CADM2: variants seen among roughly 807,000 people sequenced by gnomAD.
CADM2 encodes cell adhesion molecule 2.
A neutral mutation model predicts 49.8 loss-of-function variants in CADM2; 12 were observed. The observed-to-expected ratio is 0.24, with a 90% CI of 0.15 to 0.39. The LOEUF (loss-of-function observed/expected upper bound fraction) is 0.39. Ranked by LOEUF, CADM2 falls within the 10% of genes least tolerant of loss-of-function variation. The pLI, the probability that CADM2 is intolerant of heterozygous loss-of-function variation, is 1.00. For missense variants in CADM2, 378 were observed against 492.3 expected (o/e 0.77, Z 2.20); for synonymous variants, 214 against 175.4 (o/e 1.22, Z -1.74).
At chr3:85,767,884 A>AATTT (rs2069736499) in intron 2 of CADM2, among the ~76,000 whole-genome samples, 1 of 152,150 alleles carries the variant, frequency 6.6e-6, no homozygotes, top group African/African-American at 2.4e-5. Flanking sequence ...AACCGACTGT[A>AATTT]ATTTAGCATC....
chr3:85,668,268 A>C (rs761714907), intron 1 of CADM2, among the ~76,000 whole-genome samples: 7 of 148,766 alleles, frequency 4.7e-5, no homozygotes, highest in Non-Finnish European at 1.0e-4. Flanking sequence ...AATGAGACAG[A>C]ATAATCATGT....
chr3:85,703,375 T>C (rs1251632641), intron 1 of CADM2, among the ~76,000 whole-genome samples: 1 of 152,102 alleles, frequency 6.6e-6, no homozygotes, highest in Non-Finnish European at 1.5e-5. Context: ...AAGAGAACCA[T>C]TGCATAGAGA....
intron 1 of CADM2, among the ~76,000 whole-genome samples, chr3:85,414,197 A>G (rs545608862): frequency 1.3e-5 from 2 of 152,266 alleles, no homozygotes; most frequent in South Asian, 4.1e-4. Context: ...TTAATGTGTG[A>G]TCATAGCTGA....
intron 1 of CADM2, among the ~76,000 whole-genome samples, chr3:85,171,553 T>C (rs2040628052): frequency 6.6e-6 from 1 of 152,318 alleles, no homozygotes; most frequent in Admixed American, 6.5e-5. Context: ...ACAACTGTTA[T>C]TTTAGAGGTG....
intron 1 of CADM2, among the ~76,000 whole-genome samples, chr3:85,295,886 C>G (rs1020290953): frequency 7.3e-5 from 11 of 151,222 alleles, no homozygotes; most frequent in Non-Finnish European, 1.5e-4. Context: ...ATGTAACTAA[C>G]CTGCACAATG....
At chr3:85,204,209 A>C (rs891153065) in intron 1 of CADM2, among the ~76,000 whole-genome samples, 1 of 152,206 alleles carries the variant, frequency 6.6e-6, no homozygotes, top group Admixed American at 6.5e-5. Flanking sequence ...CATTCACTGT[A>C]AATAGGATGC....
intron 1 of CADM2, among the ~76,000 whole-genome samples, chr3:85,586,379 A>G (rs1261006213): frequency 6.6e-6 from 1 of 152,122 alleles, no homozygotes; most frequent in African/African-American, 2.4e-5. Flanking sequence ...CAATAGAATA[A>G]AGCACACAGA....
At chr3:85,940,996 A>G (rs979852934) in intron 7 of CADM2, among the ~76,000 whole-genome samples, 20 of 152,072 alleles carry the variant, frequency 1.3e-4, no homozygotes, top group Non-Finnish European at 2.1e-4. Flanking sequence ...GTTGTAATCA[A>G]TGTACCTACA....
Position 85,961,554 on chromosome 3 carries a change from C to T in CADM2, c.877C>T (p.Leu293Phe), listed in dbSNP as rs143196702. 2 of 1,610,792 alleles carry T rather than the reference C, an allele frequency of 1.2e-6. No individual in the cohort carries two copies. The highest frequency in any genetic ancestry group is 2.7e-5 in the African/African-American group (2 of 74,816). ...TGTGAGTGGTAGGGAGCTAAACATT[C>T]TTTTCCTGAACAAAACGGATAATGG... ...MVVSGRELNI[L>F]FLNKTDNGTY... The change falls in exon 8 of 10, where the codon CTT becomes TTT. Residue 293 changes from leucine to phenylalanine, a missense_variant. By Grantham distance (22) the Leu-to-Phe change is conservative. Coordinates refer to ENST00000383699, the MANE Select transcript of CADM2 (RefSeq NM_001167675.2).
intron 1 of CADM2, among the ~76,000 whole-genome samples, chr3:85,502,499 A>C (rs2040160127): frequency 6.6e-6 from 1 of 152,158 alleles, no homozygotes; most frequent in South Asian, 2.1e-4. Context: ...AAGAAAAAGA[A>C]AAAGAGAAAA....
intron 1 of CADM2, among the ~76,000 whole-genome samples, chr3:85,383,525 T>C (rs866996301): frequency 2.2e-4 from 31 of 142,900 alleles, no homozygotes; most frequent in African/African-American, 6.5e-4. Context: ...TGTATATATA[T>C]ATATATATAT....
chr3:85,793,635 G>A (rs1183708151), intron 2 of CADM2, among the ~76,000 whole-genome samples: 2 of 152,134 alleles, frequency 1.3e-5, no homozygotes, highest in African/African-American at 2.4e-5. Context: ...GAATTGAGAC[G>A]AGTTTCACCT....
chr3:85,544,540 G>A (rs528638579), intron 1 of CADM2, among the ~76,000 whole-genome samples: 1 of 152,198 alleles, frequency 6.6e-6, no homozygotes, highest in East Asian at 1.9e-4. Flanking sequence ...TCGCGCCACT[G>A]CACTCCTGCC....
chr3:85,556,634 G>C (rs931987367), intron 1 of CADM2, among the ~76,000 whole-genome samples: 1 of 152,150 alleles, frequency 6.6e-6, no homozygotes, highest in Non-Finnish European at 1.5e-5. Context: ...GCTCAGTTGA[G>C]AGAGAGCACA....
At chr3:85,566,250 A>G (rs2062250939) in intron 1 of CADM2, among the ~76,000 whole-genome samples, 1 of 152,126 alleles carries the variant, frequency 6.6e-6, no homozygotes, top group African/African-American at 2.4e-5. Context: ...ATTAATACCT[A>G]AAGAATACAT....
chr3:85,030,027 G>C (rs565631629), intron 1 of CADM2, among the ~76,000 whole-genome samples: 18 of 152,248 alleles, frequency 1.2e-4, no homozygotes, highest in Non-Finnish European at 2.4e-4. Context: ...TCACAGATTT[G>C]TTTTTTTCTC....
At chr3:85,367,890 G>A (rs561263213) in intron 1 of CADM2, among the ~76,000 whole-genome samples, 6 of 151,752 alleles carry the variant, frequency 4.0e-5, no homozygotes, top group Admixed American at 3.9e-4. Context: ...ATACAGCTGA[G>A]AATCAGGAAT....
chr3:85,880,851 G>T (rs920480650), intron 3 of CADM2, among the ~76,000 whole-genome samples: 4 of 152,124 alleles, frequency 2.6e-5, no homozygotes, highest in Non-Finnish European at 4.4e-5. Context: ...GATGTATCTC[G>T]ATATAGAGTT....
intron 1 of CADM2, among the ~76,000 whole-genome samples, chr3:85,276,406 T>G (rs1207332903): frequency 1.3e-5 from 2 of 151,534 alleles, no homozygotes; most frequent in East Asian, 3.9e-4. Flanking sequence ...ATGGATTAAA[T>G]AACTTATATT....
Sources: gnomAD v4.1 joint callset for allele counts (sites outside exome capture counted in the v4.1 genomes callset) on GRCh38, gnomAD v4.1.1 for gene constraint, MANE v1.5 for transcripts, NCBI Gene and HGNC (gene_info 2026-07-23, HGNC 2026-07-21) for gene names.